The following PSMC1 variants were observed in gnomAD, a reference collection of about 807,000 sequenced individuals.
The protein encoded by PSMC1 is proteasome 26S subunit, ATPase 1, also known as 26S proteasome regulatory subunit 4.
A neutral mutation model predicts 49.8 loss-of-function variants in PSMC1; 5 were observed. The ratio of observed to expected loss-of-function variants is 0.10; its 90% CI spans 0.05 to 0.21. The LOEUF (loss-of-function observed/expected upper bound fraction) is 0.21. Ranked by LOEUF, PSMC1 falls within the 10% of genes least tolerant of loss-of-function variation. PSMC1 has a pLI of 1.00. For missense variants in PSMC1, 181 were observed against 535.7 expected (o/e 0.34, Z 6.54); for synonymous variants, 155 against 192.1 (o/e 0.81, Z 1.60).
chr14:90,265,240 C>T (rs1891481333), intron 7 of PSMC1, 74 bp downstream of exon 7: 6 of 1,031,244 alleles, frequency 5.8e-6, no homozygotes, highest in South Asian at 1.3e-5. Flanking sequence ...GTTATAATTA[C>T]TGAACTAATA....
chr14:90,257,972 C>T (rs1891327857), intron 1 of PSMC1, among the ~76,000 whole-genome samples: 1 of 152,224 alleles, frequency 6.6e-6, no homozygotes, highest in South Asian at 2.1e-4. Flanking sequence ...TTTATTACAA[C>T]AGTTCCCTCG....
At chr14:90,271,728 GCC>G (rs1238568846) in intron 10 of PSMC1, 1 of 152,120 alleles carries the variant, frequency 6.6e-6, no homozygotes, top group African/African-American at 2.4e-5. Context: ...AGAACCCACA[GCC>G]CTGACCCTTG....
rs1422354497 is a variant in PSMC1, at chr14:90,267,169, G to A, written c.692-1055G>A. 4.7e-5 allele frequency among the ~76,000 whole-genome samples: 7 copies of A among 148,470 alleles called. No individual in the cohort carries two copies. In the East Asian group the frequency reaches 7.9e-4, roughly 17 times the overall value. On this transcript the variant is annotated intron_variant, in intron 7 of 10. Coordinates refer to ENST00000261303, the MANE Select transcript of PSMC1 (RefSeq NM_002802.3). ...TTTTGAGACGGAGTCTTGCTCTGTCGCCCAGGCTGGAGTGCAATGGCGCGA... is the reference window on the plus strand; with the variant it reads ...TTTTGAGACGGAGTCTTGCTCTGTCACCCAGGCTGGAGTGCAATGGCGCGA...
chr14:90,263,597 G>T, intron 4 of PSMC1, 65 bp from the exon 5 acceptor site: 1 of 1,553,648 alleles, frequency 6.4e-7, no homozygotes, highest in South Asian at 1.1e-5. Flanking sequence ...TAAATCTAGC[G>T]AACTATCAGG....
At chr14:90,257,833 G>A (rs2151749) in intron 1 of PSMC1, among the ~76,000 whole-genome samples, 83,781 of 151,926 alleles carry the variant, frequency 0.55, 23,760 homozygotes, top group Middle Eastern at 0.72. Flanking sequence ...CTTATGATCC[G>A]CCCGCCTCGG....
intron 6 of PSMC1, among the ~76,000 whole-genome samples, chr14:90,264,534 T>C (rs1353837528): frequency 6.6e-6 from 1 of 152,174 alleles, no homozygotes; most frequent in Non-Finnish European, 1.5e-5. Context: ...AGCAGTGGGG[T>C]TGGAGCATAA....
chr14:90,264,523 C>T (rs1452926120), intron 6 of PSMC1, among the ~76,000 whole-genome samples: 2 of 152,218 alleles, frequency 1.3e-5, no homozygotes, highest in Non-Finnish European at 2.9e-5. Flanking sequence ...CACATTTAGA[C>T]AGCAGTGGGG....
In PSMC1 at chr14:90,270,221, T is replaced by A. The variant is rs764620445; in HGVS notation, c.1057T>A (p.Phe353Ile). The change falls in exon 10 of 11, where the codon TTC (phenylalanine) becomes ATC (isoleucine). Residue 353 changes from phenylalanine to isoleucine, a missense_variant. Physicochemically the swap from Phe to Ile is conservative, Grantham distance 21. Around this residue, in one of 3 missense-constraint regions of PSMC1, gnomAD observed 60 missense variants for 155.5 expected, o/e 0.39. Transcript: ENST00000261303. ...RPGRIDRKIE[F>I]PLPDEKTKKR... ...AGGCCGCATTGACAGGAAGATTGAG[T>A]TCCCCCTGCCTGATGAAAAGACGAA... The A allele has an allele frequency of 1.2e-6, 2 of 1,613,496 alleles. No individual in the cohort carries two copies. The highest frequency in any genetic ancestry group is 1.7e-6 in the Non-Finnish European group (2 of 1,179,760).
intron 10 of PSMC1, chr14:90,270,610 A>T (rs1891635989): frequency 2.9e-6 from 1 of 341,064 alleles, no homozygotes; most frequent in Non-Finnish European, 5.3e-6. Context: ...CCTTAGGCCC[A>T]GGTGACTTTC....
chr14:90,270,448 G>A, intron 10 of PSMC1, 96 bp downstream of exon 10: 1 of 1,341,568 alleles, frequency 7.5e-7, no homozygotes, highest in Non-Finnish European at 1.0e-6. Flanking sequence ...GGCCTGGACA[G>A]GTGGGTGTCT....
chr14:90,262,194 T>G (rs11627922), intron 3 of PSMC1, among the ~76,000 whole-genome samples: 1 of 136,770 alleles, frequency 7.3e-6, no homozygotes, highest in Admixed American at 8.0e-5. Context: ...ATATACCTAA[T>G]GTAAATGACG....
chr14:90,269,119 A>G (rs1181978995), intron 8 of PSMC1: 1 of 374,420 alleles, frequency 2.7e-6, no homozygotes, highest in Non-Finnish European at 4.8e-6. Flanking sequence ...CTCATGCTGT[A>G]TAAGGCTCTG....
Position 90,270,257 on chromosome 14 carries a change from T to C in PSMC1, c.1093T>C (p.Phe365Leu), listed in dbSNP as rs888987761. ...LPDEKTKKRI[F>L]QIHTSRMTLA... ...TGATGAAAAGACGAAGAAGCGCATC[T>C]TTCAGATTCACACAAGCAGGATGAC... The change falls in exon 10 of 11, where the codon TTT becomes CTT. Residue 365 changes from phenylalanine to leucine, a missense_variant. Coordinates refer to ENST00000261303, the MANE Select transcript of PSMC1 (RefSeq NM_002802.3). The C allele has an allele frequency of 1.2e-6, 2 of 1,613,688 alleles. No homozygotes were observed. The highest frequency in any genetic ancestry group is 1.7e-6 in the Non-Finnish European group (2 of 1,179,854).
rs1891703066 is a variant in PSMC1 at position 90,272,760 on chromosome 14, A to G, written c.*353A>G. 5.9e-6 allele frequency: 1 copy of G among 168,592 alleles called. No individual in the cohort carries two copies. The highest frequency in any genetic ancestry group is 1.7e-4 in the East Asian group (1 of 5,850). The allele number at this position is 168,592 out of a possible 1,614,324, so 10.4% of individuals were successfully genotyped here. On this transcript the variant is annotated 3_prime_UTR_variant, in exon 11 of 11. Coordinates refer to ENST00000261303, the MANE Select transcript of PSMC1 (RefSeq NM_002802.3). This position sits in a 1 kb window ranked among gnomAD's most constrained non-coding sequence, Gnocchi z 4.5. Reference sequence around the variant, plus strand: ...GTGTGGACCTCACTATGCGTTCGCCACATCACACCCCCAGAGCTGGCGTTC... The same window carrying G: ...GTGTGGACCTCACTATGCGTTCGCCGCATCACACCCCCAGAGCTGGCGTTC...
At chr14:90,259,309 AAGT>A in intron 2 of PSMC1, 96 bp downstream of exon 2, 1 of 1,158,954 alleles carries the variant, frequency 8.6e-7, no homozygotes, top group Non-Finnish European at 1.3e-6. Context: ...GAATTTTAAA[AAGT>A]AGAATGATCC....
chr14:90,258,031 G>A (rs1473013065), intron 1 of PSMC1, among the ~76,000 whole-genome samples: 2 of 152,202 alleles, frequency 1.3e-5, no homozygotes, highest in Non-Finnish European at 2.9e-5. Flanking sequence ...TGGAAACACA[G>A]TAAGTGGCTG....
chr14:90,263,099 G>T (rs908867365), intron 3 of PSMC1, among the ~76,000 whole-genome samples: 3 of 152,134 alleles, frequency 2.0e-5, no homozygotes, highest in African/African-American at 4.8e-5. Context: ...TTTGGGGCTA[G>T]CTATTTGGTC....
At chr14:90,270,484 C>A (rs1455856098) in intron 10 of PSMC1, 132 bp downstream of exon 10, 1 of 992,250 alleles carries the variant, frequency 1.0e-6, no homozygotes, top group South Asian at 2.0e-5. Context: ...TATTGGTTTA[C>A]GATTACATCC....
rs1891603637 is a variant in PSMC1 at position 90,269,389 on chromosome 14, T to TC, written c.882-8_882-7insC. The TC allele has an allele frequency of 6.3e-7, 1 of 1,597,276 alleles. No individual in the cohort carries two copies. The highest frequency in any genetic ancestry group is 1.7e-5 in the Admixed American group (1 of 57,392). ...GTCTTCATTCCTTCCCTTTTTTTTT[T>TC]TCCAAAGATATGACTCCAATTCTGG... On this transcript the variant is annotated splice_polypyrimidine_tract_variant and splice_region_variant and intron_variant, in intron 8 of 10. Coordinates refer to ENST00000261303, the MANE Select transcript of PSMC1 (RefSeq NM_002802.3).
Sources: allele counts gnomAD v4.1 joint callset (sites outside exome capture counted in the v4.1 genomes callset), GRCh38; gene constraint gnomAD v4.1.1; regional missense constraint gnomAD v4.1.1; non-coding constraint Gnocchi (gnomAD v3.1); transcripts MANE v1.5; gene names NCBI Gene and HGNC (gene_info 2026-07-23, HGNC 2026-07-21).